Variants in LAMB4 observed in about 807,000 individuals in gnomAD.
LAMB4 encodes laminin subunit beta-4.
In LAMB4, 196 loss-of-function variants were observed where a neutral mutation model predicts 199.2. The observed-to-expected ratio is 0.98, with a 90% CI of 0.88 to 1.11. LAMB4 has a LOEUF of 1.11. Among genes scored for constraint, LAMB4 ranks in the 50% least tolerant of loss-of-function variants. The pLI is 0.00. For missense variants in LAMB4, 2,080 were observed against 2,171.2 expected, an observed-to-expected ratio of 0.96 and a Z score of 0.83; for synonymous variants, 744 against 770.6, an observed-to-expected ratio of 0.97 and a Z score of 0.57.
chr7:108,017,629 T>C, the LAMB4 span, among the ~76,000 whole-genome samples: 1 of 152,260 alleles, frequency 6.6e-6, no homozygotes, highest in East Asian at 1.9e-4. Context: ...ATCAGCCAAG[T>C]GACAATACAG....
At chr7:108,068,273 C>G (rs1472068594) in intron 18 of LAMB4, 114 bp from the exon 19 acceptor site, 1 of 974,864 alleles carries the variant, frequency 1.0e-6, no homozygotes, top group African/African-American at 1.6e-5. Flanking sequence ...TAATACTCAA[C>G]TCCCTCATCT....
chr7:108,125,948 T>C (rs2038764294), intron 1 of LAMB4, among the ~76,000 whole-genome samples: 1 of 152,188 alleles, frequency 6.6e-6, no homozygotes, highest in South Asian at 2.1e-4. Flanking sequence ...GACTTCCCAG[T>C]GTACATCAGC....
At chr7:108,122,735 T>C (rs7803646) in intron 2 of LAMB4, among the ~76,000 whole-genome samples, 6,381 of 152,304 alleles carry the variant, frequency 0.042, 455 homozygotes, top group African/African-American at 0.14. Context: ...CCTTTTAGCT[T>C]AGAGCTGCTG....
chr7:108,066,542 C>A lies in LAMB4; in HGVS notation c.2505G>T (p.Gln835His). The A allele has an allele frequency of 6.2e-7, 1 of 1,613,884 alleles. No individual in the cohort carries two copies. The highest frequency in any genetic ancestry group is 8.5e-7 in the Non-Finnish European group (1 of 1,179,942). ...KDTVCDQVTG[Q>H]CPCHGEVSGR... ...CAGACACCTCTCCATGGCAGGGGCA[C>A]TGTCCTGTTACTTGGTCACATACAG... The change falls in exon 20 of 34, where the codon CAG becomes CAT. Residue 835 changes from glutamine to histidine, a missense_variant. By Grantham distance (24) the Gln-to-His change is conservative. Coordinates refer to ENST00000388781, the MANE Select transcript of LAMB4 (RefSeq NM_007356.3).
chr7:108,055,625 A>G lies in LAMB4; in HGVS notation c.3755+7T>C, dbSNP rs2035957151. 1.2e-6 allele frequency: 2 copies of G among 1,608,020 alleles called. No homozygotes were observed. Among genetic ancestry groups the G allele is most frequent in the Non-Finnish European group, 1.7e-6 (2 of 1,177,818 alleles). The stretch of plus-strand genomic sequence containing the variant: ...TTGGCTGTCTGTTACTTGAGCATAA[A>G]TCTTACCTAACAGAGTCATGATAAT... On this transcript the variant is annotated splice_region_variant and intron_variant, in intron 25 of 33. Coordinates refer to ENST00000388781, the MANE Select transcript of LAMB4 (RefSeq NM_007356.3).
Position 108,103,027 on chromosome 7 carries a change from C to A in LAMB4, c.1180+17G>T. ...GCTCAGACAGTGGGTAGGATCCAGG[C>A]AGACCCGGGGACTCACGAATGCACG... On this transcript the variant is annotated intron_variant, in intron 10 of 33. Transcript: ENST00000388781. 1 of 1,549,128 alleles carries A rather than the reference C, an allele frequency of 6.5e-7. No individual in the cohort carries two copies. Among genetic ancestry groups the A allele is most frequent in the African/African-American group, 1.3e-5 (1 of 74,106 alleles).
intron 14 of LAMB4, among the ~76,000 whole-genome samples, chr7:108,085,155 C>T: frequency 6.6e-6 from 1 of 152,142 alleles, no homozygotes; most frequent in Non-Finnish European, 1.5e-5. Context: ...CCTTTCAGTC[C>T]TTCCTTACTC....
In LAMB4 at chr7:108,030,924, G is replaced by A; in HGVS notation, c.4874C>T (p.Ser1625Leu). Residue 1625 changes from serine (S) to leucine (L), a missense_variant, in exon 32 of 34, where the codon TCA becomes TTA. Physicochemically the swap from Ser to Leu is moderately radical, Grantham distance 145. Coordinates refer to ENST00000388781, the MANE Select transcript of LAMB4 (RefSeq NM_007356.3). ...KSELELAKQRSGLEDGLSLLQ... is the reference protein window; with the variant it reads ...KSELELAKQRLGLEDGLSLLQ... ...CAGGGAAAGTCCATCCTCCAGCCCT[G>A]ATCGCTGCTTTGCTAACTCCAGCTC... 2 of 1,613,916 alleles carry A rather than the reference G, an allele frequency of 1.2e-6. No individual in the cohort carries two copies. The highest frequency in any genetic ancestry group is 1.3e-5 in the African/African-American group (1 of 75,004).
intron 2 of LAMB4, among the ~76,000 whole-genome samples, chr7:108,121,783 G>T (rs2038609366): frequency 6.6e-6 from 1 of 151,504 alleles, no homozygotes; most frequent in South Asian, 2.1e-4. Flanking sequence ...ATGTAGATAA[G>T]GTTTGCACTT....
At chr7:108,076,428 G>A (rs1043936927) in intron 17 of LAMB4, among the ~76,000 whole-genome samples, 25 of 152,152 alleles carry the variant, frequency 1.6e-4, no homozygotes, top group African/African-American at 5.8e-4. Flanking sequence ...AAATGCTTAT[G>A]ATGAAGTGTG....
At position 108,067,999 on chromosome 7, in the gene LAMB4, T is replaced by C. The variant is rs763551326; in HGVS notation, c.2446+17A>G. On this transcript the variant is annotated intron_variant, in intron 19 of 33. Transcript: ENST00000388781. Reference sequence around the variant, plus strand: ...GACTGTGAGCAAGTGTTTCCCCTTGTGTGTTTTGCTACGTACGGTGACAGC... The same window carrying C: ...GACTGTGAGCAAGTGTTTCCCCTTGCGTGTTTTGCTACGTACGGTGACAGC... 5.3e-5 allele frequency: 85 copies of C among 1,614,074 alleles called. No individual in the cohort carries two copies. The Admixed American group carries it at 1.4e-3, about 26-fold the overall frequency.
At chr7:108,095,779 C>T (rs1279979423) in intron 11 of LAMB4, among the ~76,000 whole-genome samples, 1 of 152,178 alleles carries the variant, frequency 6.6e-6, no homozygotes, top group African/African-American at 2.4e-5. Context: ...TAATTCCCCC[C>T]TCCTTCTTCT....
chr7:108,106,675 C>G (rs189603519), intron 6 of LAMB4, 103 bp from the exon 7 acceptor site: 1 of 648,358 alleles, frequency 1.5e-6, no homozygotes, highest in East Asian at 3.1e-5. Context: ...AGAAATCTTA[C>G]CACTTCAGCC....
chr7:108,038,014 G>A (rs2150500307), intron 29 of LAMB4, among the ~76,000 whole-genome samples: 1 of 152,210 alleles, frequency 6.6e-6, no homozygotes, highest in East Asian at 1.9e-4. Context: ...CTGGATTCTG[G>A]TCCTCCATGA....
intron 14 of LAMB4, among the ~76,000 whole-genome samples, chr7:108,088,118 T>C (rs2037254131): frequency 6.6e-6 from 1 of 152,216 alleles, no homozygotes; most frequent in Non-Finnish European, 1.5e-5. Context: ...ATCACTTCCT[T>C]GTTGCTGGAA....
At position 108,068,012 on chromosome 7, in the gene LAMB4, G is replaced by A. The variant is rs377734660; in HGVS notation, c.2446+4C>T. On this transcript the variant is annotated splice_donor_region_variant and intron_variant, in intron 19 of 33. Transcript: ENST00000388781. ...TGTTTCCCCTTGTGTGTTTTGCTAC[G>A]TACGGTGACAGCCGTGATGCCCCAA... 115 of 1,613,968 alleles carry A rather than the reference G, an allele frequency of 7.1e-5. No homozygotes were observed. The highest frequency in any genetic ancestry group is 8.3e-5 in the Non-Finnish European group (98 of 1,180,006).
At chr7:108,098,107 C>T (rs435361) in intron 11 of LAMB4, among the ~76,000 whole-genome samples, 52,779 of 151,974 alleles carry the variant, frequency 0.35, 9,638 homozygotes, top group Non-Finnish European at 0.4. Context: ...CCGAGGTGGG[C>T]GGATCACTTG....
At chr7:108,030,493 A>G (rs1326101083) in intron 32 of LAMB4, among the ~76,000 whole-genome samples, 1 of 152,198 alleles carries the variant, frequency 6.6e-6, no homozygotes, top group Non-Finnish European at 1.5e-5. Context: ...AATACAGACA[A>G]ACAACATAAA....
chr7:108,060,363 G>A (rs910846210), intron 23 of LAMB4, among the ~76,000 whole-genome samples: 1 of 152,098 alleles, frequency 6.6e-6, no homozygotes, highest in Non-Finnish European at 1.5e-5. Flanking sequence ...GAATTGGGAA[G>A]CCAGGTGGTC....
Sources: gnomAD v4.1 joint callset for allele counts (sites outside exome capture counted in the v4.1 genomes callset) on GRCh38, gnomAD v4.1.1 for gene constraint, MANE v1.5 for transcripts, NCBI Gene and HGNC (gene_info 2026-07-23, HGNC 2026-07-21) for gene names.